Variants in GFRA2 observed in about 807,000 individuals in gnomAD.
The protein encoded by GFRA2 is GDNF family receptor alpha-2.
GFRA2 carries 17 observed loss-of-function variants against 48.3 expected under a neutral mutation model. That is an observed-to-expected ratio of 0.35 (90% CI 0.24 to 0.53). The LOEUF (loss-of-function observed/expected upper bound fraction) is 0.53. Among genes scored for constraint, GFRA2 ranks in the 20% least tolerant of loss-of-function variants. The pLI, the probability that GFRA2 is intolerant of heterozygous loss-of-function variation, is 0.93. For missense variants in GFRA2, 660 were observed against 637.3 expected, an observed-to-expected ratio of 1.04 and a Z score of -0.38; for synonymous variants, 305 against 257.2, an observed-to-expected ratio of 1.19 and a Z score of -1.78.
chr8:21,704,323 AC>A (rs902000497), intron 6 of GFRA2, among the ~76,000 whole-genome samples: 2 of 151,726 alleles, frequency 1.3e-5, no homozygotes, highest in South Asian at 2.1e-4. Flanking sequence ...CCCTGTGCAG[AC>A]CCCCCGCCCA....
intron 4 of GFRA2, among the ~76,000 whole-genome samples, chr8:21,723,802 C>T (rs899606416): frequency 6.6e-6 from 1 of 152,216 alleles, no homozygotes; most frequent in Non-Finnish European, 1.5e-5. Flanking sequence ...CCATGCAGCA[C>T]TTCCTGCAGA....
intron 3 of GFRA2, among the ~76,000 whole-genome samples, chr8:21,751,300 C>T (rs1156625545): frequency 6.6e-6 from 1 of 152,196 alleles, no homozygotes; most frequent in Non-Finnish European, 1.5e-5. Flanking sequence ...AAGTGACTGG[C>T]TCAGCGTCAT....
intron 2 of GFRA2, among the ~76,000 whole-genome samples, chr8:21,780,335 ACC>A (rs1248209256): frequency 2.0e-5 from 3 of 151,954 alleles, no homozygotes; most frequent in Non-Finnish European, 4.4e-5. Context: ...GCCTCAGCTT[ACC>A]CTAAGGCATC....
Position 21,702,900 on chromosome 8 carries a change from C to A in GFRA2, c.1123G>T (p.Ala375Ser), listed in dbSNP as rs372946118. 7 of 1,597,396 alleles carry A rather than the reference C, an allele frequency of 4.4e-6. No individual in the cohort carries two copies. Among genetic ancestry groups the A allele is most frequent in the Non-Finnish European group, 6.0e-6 (7 of 1,173,424 alleles). Residue 375 changes from alanine (A) to serine (S), a missense_variant, in exon 7 of 9, where the codon GCC becomes TCC. Coordinates refer to ENST00000524240, the MANE Select transcript of GFRA2 (RefSeq NM_001495.5). ...PKGPSFQATQ[A>S]PRVEKTPSLP... is the part of the protein sequence containing the mutation. ...GAAGGCGTCTTCTCCACCCGAGGGG[C>A]CTGGGTGGCCTGGAACGAGGGGCCT...
Position 21,693,322 on chromosome 8 carries a change from C to A in GFRA2, c.1351G>T (p.Ala451Ser). Residue 451 changes from alanine to serine, a missense_variant, in exon 9 of 9, where the codon GCC becomes TCC. Coordinates refer to ENST00000524240, the MANE Select transcript of GFRA2 (RefSeq NM_001495.5). ...SGPSRARPSA[A>S]LTVLSVLMLK... ...ATCAGGACAGACAGCACGGTCAAGG[C>A]AGCCGACGGTCTGGCTCTGCTGGGG... is the stretch of plus-strand genomic sequence containing the variant. 1.2e-6 allele frequency: 2 copies of A among 1,613,692 alleles called. No homozygotes were observed. The highest frequency in any genetic ancestry group is 1.7e-5 in the Admixed American group (1 of 59,992).
At chr8:21,706,079 G>T (rs1439048220) in intron 4 of GFRA2, 38 bp from the exon 5 acceptor site, 2 of 1,336,436 alleles carry the variant, frequency 1.5e-6, no homozygotes, top group South Asian at 2.5e-5. Context: ...GAAAACAGGG[G>T]TTCAGTCTAG....
intron 1 of GFRA2, among the ~76,000 whole-genome samples, chr8:21,812,006 T>C (rs1212906021): frequency 6.6e-6 from 1 of 152,146 alleles, no homozygotes; most frequent in Non-Finnish European, 1.5e-5. Context: ...TCCCTCTCCA[T>C]ATAGATCCCG....
chr8:21,752,261 A>G (rs1805329908), intron 3 of GFRA2, among the ~76,000 whole-genome samples: 1 of 152,044 alleles, frequency 6.6e-6, no homozygotes, highest in Non-Finnish European at 1.5e-5. Context: ...AAAACCCCTC[A>G]ATCGAGTTGT....
chr8:21,784,471 G>A (rs1406699428), intron 1 of GFRA2: 4 of 388,832 alleles, frequency 1.0e-5, no homozygotes, highest in Non-Finnish European at 2.1e-5. Flanking sequence ...CCACTCTCAG[G>A]CCATCCCCCG....
intron 4 of GFRA2, among the ~76,000 whole-genome samples, 178 bp from the exon 5 acceptor site, chr8:21,706,219 C>G (rs543259644): frequency 4.1e-4 from 62 of 152,240 alleles, no homozygotes; most frequent in African/African-American, 1.4e-3. Context: ...AATCTGTGAG[C>G]TTCTTGAGGA....
intron 2 of GFRA2, among the ~76,000 whole-genome samples, chr8:21,777,823 T>G (rs1806784280): frequency 6.6e-6 from 1 of 152,164 alleles, no homozygotes; most frequent in Non-Finnish European, 1.5e-5. Flanking sequence ...GCTTGCTGTG[T>G]GCCCTGGGAG....
chr8:21,751,111 T>C (rs1805273072), intron 3 of GFRA2, among the ~76,000 whole-genome samples, 169 bp from the exon 4 acceptor site: 1 of 152,094 alleles, frequency 6.6e-6, no homozygotes, highest in South Asian at 2.1e-4. Context: ...ACCTACCTCC[T>C]AAAGCTGTGG....
intron 3 of GFRA2, among the ~76,000 whole-genome samples, chr8:21,769,424 C>A (rs1806337697): frequency 6.6e-6 from 1 of 152,218 alleles, no homozygotes; most frequent in African/African-American, 2.4e-5. Flanking sequence ...AACGGTGATA[C>A]CCTTCACCAG....
chr8:21,734,355 G>T (rs1804347136), intron 4 of GFRA2, among the ~76,000 whole-genome samples: 1 of 152,248 alleles, frequency 6.6e-6, no homozygotes, highest in Admixed American at 6.5e-5. Context: ...CTCTGCCCCT[G>T]CTGCCTTCTG....
chr8:21,710,138 G>A (rs944280100), intron 4 of GFRA2, among the ~76,000 whole-genome samples: 7 of 152,170 alleles, frequency 4.6e-5, no homozygotes, highest in Non-Finnish European at 7.3e-5. Flanking sequence ...TCTCTCACTC[G>A]CTGTCTGTGT....
intron 4 of GFRA2, among the ~76,000 whole-genome samples, chr8:21,746,130 C>G (rs1255593773): frequency 6.6e-6 from 1 of 152,138 alleles, no homozygotes; most frequent in Non-Finnish European, 1.5e-5. Context: ...GAAGACCATG[C>G]AGGAGGCCCC....
intron 3 of GFRA2, among the ~76,000 whole-genome samples, chr8:21,758,945 C>T (rs1261351222): frequency 7.2e-5 from 11 of 152,276 alleles, no homozygotes; most frequent in African/African-American, 2.2e-4. Flanking sequence ...GGAGCAGAAC[C>T]GGAGTCCCTG....
intron 2 of GFRA2, among the ~76,000 whole-genome samples, chr8:21,777,346 A>G (rs1806756747): frequency 7.0e-6 from 1 of 143,590 alleles, no homozygotes; most frequent in South Asian, 2.3e-4. Context: ...GTCCTTCCCT[A>G]CTGCATCTAG....
chr8:21,697,897 T>A (rs1802288746), intron 7 of GFRA2, among the ~76,000 whole-genome samples: 1 of 152,192 alleles, frequency 6.6e-6, no homozygotes, highest in South Asian at 2.1e-4. Context: ...CTCTTCATCT[T>A]CTGCCATGAT....
Sources: gnomAD v4.1 joint callset for allele counts (sites outside exome capture counted in the v4.1 genomes callset) on GRCh38, gnomAD v4.1.1 for gene constraint, MANE v1.5 for transcripts, NCBI Gene and HGNC (gene_info 2026-07-23, HGNC 2026-07-21) for gene names.